The following TASP1 variants were observed in gnomAD, a reference collection of about 807,000 sequenced individuals.
TASP1 encodes the protein threonine aspartase 1.
In TASP1, 16 loss-of-function variants were observed where a neutral mutation model predicts 56.6. The ratio of observed to expected loss-of-function variants is 0.28; its 90% CI spans 0.19 to 0.43. TASP1 has a LOEUF of 0.43. Among genes scored for constraint, TASP1 ranks in the 20% least tolerant of loss-of-function variants. The pLI, the probability that TASP1 is intolerant of heterozygous loss-of-function variation, is 1.00. For missense variants in TASP1, 393 were observed against 511.6 expected (o/e 0.77, Z 2.24); for synonymous variants, 179 against 184.2 (o/e 0.97, Z 0.23).
intron 11 of TASP1, among the ~76,000 whole-genome samples, chr20:13,459,246 G>A (rs894012812): frequency 6.6e-6 from 1 of 152,024 alleles, no homozygotes; most frequent in Non-Finnish European, 1.5e-5. Flanking sequence ...TGATTTCCCA[G>A]TAACATCACC....
chr20:13,335,738 T>G, the TASP1 span, among the ~76,000 whole-genome samples: 2 of 151,828 alleles, frequency 1.3e-5, no homozygotes, highest in Admixed American at 6.6e-5. Context: ...TGAAATACTT[T>G]TAAATGTAAT....
the TASP1 span, among the ~76,000 whole-genome samples, chr20:13,198,654 GT>G: frequency 6.6e-6 from 1 of 152,062 alleles, no homozygotes; most frequent in Admixed American, 6.6e-5. Flanking sequence ...ATGTTTTTCA[GT>G]TTTAAATTAT....
At chr20:13,223,161 A>AT in the TASP1 span, among the ~76,000 whole-genome samples, 1 of 148,404 alleles carries the variant, frequency 6.7e-6, no homozygotes, top group African/African-American at 2.5e-5. Context: ...CGTCTCAAAA[A>AT]AAAAATAAAA....
At chr20:13,267,912 T>C in the TASP1 span, among the ~76,000 whole-genome samples, 1 of 152,196 alleles carries the variant, frequency 6.6e-6, no homozygotes, top group Non-Finnish European at 1.5e-5. Flanking sequence ...TCTGGGCCCC[T>C]TCCAAGATTT....
downstream of TASP1, among the ~76,000 whole-genome samples, chr20:13,387,760 C>T (rs185147845): frequency 3.9e-5 from 6 of 152,310 alleles, no homozygotes; most frequent in East Asian, 3.9e-4. Context: ...CAGTGGCTGA[C>T]GTAATTTACA....
the TASP1 span, among the ~76,000 whole-genome samples, chr20:13,116,818 T>C: frequency 6.6e-6 from 1 of 152,196 alleles, no homozygotes; most frequent in Admixed American, 6.5e-5. Context: ...GCCCACCCAA[T>C]ACCGACTGAA....
rs1224340979 is a variant in TASP1, at chr20:13,437,123, A to C, written c.986-1969T>G. 2.6e-5 allele frequency among the ~76,000 whole-genome samples: 4 copies of C among 152,260 alleles called. No homozygotes were observed. The East Asian group carries it at 7.7e-4, about 29-fold the overall frequency. ...AAAAATCCTCAATAAAATACTGGCA[A>C]ACCGAATCCAGCAGCACATCAAAAA... On this transcript the variant is annotated intron_variant, in intron 11 of 13. Transcript: ENST00000337743.
chr20:13,546,686 A>C (rs1226733720), intron 8 of TASP1, among the ~76,000 whole-genome samples: 1 of 152,200 alleles, frequency 6.6e-6, no homozygotes, highest in Non-Finnish European at 1.5e-5. Context: ...ATTAACAGGA[A>C]AGGCACTTGG....
At chr20:13,270,618 C>G in the TASP1 span, 1 of 1,613,970 alleles carries the variant, frequency 6.2e-7, no homozygotes, top group Non-Finnish European at 8.5e-7. Flanking sequence ...CCCCAGACCG[C>G]GATTCCGACA....
At chr20:13,361,587 C>G in the TASP1 span, among the ~76,000 whole-genome samples, 1 of 152,324 alleles carries the variant, frequency 6.6e-6, no homozygotes. Context: ...CCCATTTAAG[C>G]TCCTGTATAG....
At chr20:13,117,431 T>G in the TASP1 span, 2 of 1,347,602 alleles carry the variant, frequency 1.5e-6, no homozygotes, top group Non-Finnish European at 2.0e-6. Context: ...CTGTCTAGGA[T>G]GTATTGATGG....
intron 6 of TASP1, among the ~76,000 whole-genome samples, chr20:13,574,777 G>C (rs1446556956): frequency 4.0e-5 from 6 of 151,820 alleles, no homozygotes; most frequent in Non-Finnish European, 2.9e-5. Context: ...GATAGCAATA[G>C]AAACTATTCA....
At chr20:13,518,705 C>A (rs1347218731) in intron 10 of TASP1, among the ~76,000 whole-genome samples, 1 of 152,092 alleles carries the variant, frequency 6.6e-6, no homozygotes, top group Non-Finnish European at 1.5e-5. Context: ...ATTCACACAT[C>A]AACGAACAAA....
At chr20:13,239,646 A>G in the TASP1 span, 3 of 152,232 alleles carry the variant, frequency 2.0e-5, no homozygotes, top group African/African-American at 7.2e-5. Context: ...CCGGGGCTTC[A>G]TCTGTGCTCC....
the TASP1 span, among the ~76,000 whole-genome samples, chr20:13,360,606 C>T: frequency 1.5e-3 from 228 of 152,324 alleles, no homozygotes; most frequent in Non-Finnish European, 2.5e-3. Context: ...GCAGCAGCTG[C>T]CGCTGCTTTA....
chr20:13,405,221 T>A (rs1424964061), intron 13 of TASP1, among the ~76,000 whole-genome samples: 1 of 152,204 alleles, frequency 6.6e-6, no homozygotes, highest in Non-Finnish European at 1.5e-5. Context: ...TTTAGTAGTT[T>A]AACACTGGTA....
the TASP1 span, among the ~76,000 whole-genome samples, chr20:13,258,616 C>T: frequency 6.6e-6 from 1 of 152,072 alleles, no homozygotes; most frequent in Admixed American, 6.5e-5. Context: ...CAAAAGAAAG[C>T]CTCTGAGAAC....
At chr20:13,625,310 T>C (rs977475586) in intron 2 of TASP1, 58 bp from the exon 3 acceptor site, 83 of 1,407,508 alleles carry the variant, frequency 5.9e-5, no homozygotes, top group Non-Finnish European at 7.4e-5. Context: ...CTTGCTTATG[T>C]TATATAAATA....
At chr20:13,214,560 CACAGAG>C in the TASP1 span, among the ~76,000 whole-genome samples, 249 of 118,378 alleles carry the variant, frequency 2.1e-3, no homozygotes, top group Non-Finnish European at 3.1e-3. Context: ...CACACACACA[CACAGAG>C]AGAGAGAGAG....
Sources: allele counts gnomAD v4.1 joint callset (sites outside exome capture counted in the v4.1 genomes callset), GRCh38; gene constraint gnomAD v4.1.1; transcripts MANE v1.5; gene names NCBI Gene and HGNC (gene_info 2026-07-23, HGNC 2026-07-21).